The following AATK variants were observed in gnomAD, a reference collection of about 807,000 sequenced individuals.
AATK encodes lemur tail kinase 1, also known as serine/threonine-protein kinase LMTK1.
In AATK, 91 loss-of-function variants were observed where a neutral mutation model predicts 114.3. That is an observed-to-expected ratio of 0.80 (90% confidence interval 0.67 to 0.95). The LOEUF is 0.95. Among genes scored for constraint, AATK ranks in the 40% least tolerant of loss-of-function variants. The pLI, the probability that AATK is intolerant of heterozygous loss-of-function variation, is 0.00. For missense variants in AATK, 2,176 were observed against 1,965.2 expected (o/e 1.11, Z -2.03); for synonymous variants, 1,075 against 916.5 (o/e 1.17, Z -3.12).
intron 1 of AATK, among the ~76,000 whole-genome samples, chr17:81,143,069 G>A (rs961083396): frequency 1.3e-5 from 2 of 152,244 alleles, no homozygotes; most frequent in Non-Finnish European, 1.5e-5. Flanking sequence ...CCCAGCTTGG[G>A]GTGCTGCCGT....
intron 1 of AATK, among the ~76,000 whole-genome samples, chr17:81,152,349 G>A (rs2061309585): frequency 6.6e-6 from 1 of 152,162 alleles, no homozygotes; most frequent in African/African-American, 2.4e-5. Context: ...GCTTTGGGAG[G>A]TTGAGACAGG....
intron 3 of AATK, among the ~76,000 whole-genome samples, chr17:81,130,526 T>G (rs2060913658): frequency 6.6e-6 from 1 of 151,810 alleles, no homozygotes; most frequent in African/African-American, 2.4e-5. Context: ...GCAGCCTGAG[T>G]GAAAGGCTAA....
chr17:81,128,695 C>T (rs915262368), intron 3 of AATK, 146 bp from the exon 4 acceptor site: 5 of 1,463,130 alleles, frequency 3.4e-6, no homozygotes, highest in Admixed American at 2.3e-5. Context: ...TTGGGGCCAC[C>T]ATCAGGAGCC....
At chr17:81,119,608 C>G (rs140886843) in intron 12 of AATK, 28 bp from the exon 13 acceptor site, 27,060 of 1,537,026 alleles carry the variant, frequency 0.018, 307 homozygotes, top group South Asian at 0.021. Flanking sequence ...GCGTCACTCG[C>G]GCTCACAGCC....
At chr17:81,153,857 G>A (rs1567826402) in intron 1 of AATK, among the ~76,000 whole-genome samples, 2 of 152,138 alleles carry the variant, frequency 1.3e-5, no homozygotes, top group Admixed American at 6.5e-5. Context: ...GACCACCTGA[G>A]GTCAGGAGTT....
At chr17:81,135,402 G>C (rs576752122) in intron 1 of AATK, among the ~76,000 whole-genome samples, 1 of 152,142 alleles carries the variant, frequency 6.6e-6, no homozygotes, top group African/African-American at 2.4e-5. Flanking sequence ...ACCGCACCCA[G>C]CTCCAATCCA....
At chr17:81,137,827 GCA>G (rs554165219) in intron 1 of AATK, among the ~76,000 whole-genome samples, 2 of 151,880 alleles carry the variant, frequency 1.3e-5, no homozygotes, top group Non-Finnish European at 2.9e-5. Context: ...GCACAGACAT[GCA>G]CACACACATA....
intron 1 of AATK, among the ~76,000 whole-genome samples, chr17:81,149,893 G>A (rs1257381153): frequency 2.0e-5 from 3 of 152,120 alleles, no homozygotes; most frequent in African/African-American, 7.2e-5. Flanking sequence ...TGTCCCTCTG[G>A]TCCGACAGCT....
In AATK at chr17:81,121,633, G is replaced by A; in HGVS notation, c.2303C>T (p.Thr768Ile). Reference protein sequence around the residue: ...PCLVTPSWTETASSGGDHPQA... With the variant: ...PCLVTPSWTEIASSGGDHPQA... The stretch of plus-strand genomic sequence containing the variant: ...CGGGTGGTCACCCCCACTACTGGCT[G>A]TCTCTGTCCAGGAGGGTGTAACCAG... The change falls in exon 11 of 14, where the codon ACA becomes ATA. Residue 768 changes from threonine to isoleucine, a missense_variant. Around this residue, in one of 4 missense-constraint regions of AATK, gnomAD observed 1,701 missense variants for 1,394.7 expected, o/e 1.22. Transcript: ENST00000326724. 1.3e-6 allele frequency: 2 copies of A among 1,493,012 alleles called. No homozygotes were observed. The highest frequency in any genetic ancestry group is 8.9e-7 in the Non-Finnish European group (1 of 1,123,832). The allele number at this position is 1,493,012 out of a possible 1,614,324, so 92.5% of individuals were successfully genotyped here. A position where few individuals can be genotyped will look rare whatever the true frequency, so the allele number is the denominator to read the frequency against.
chr17:81,140,744 GA>G (rs1309181724), intron 1 of AATK, among the ~76,000 whole-genome samples: 1 of 89,570 alleles, frequency 1.1e-5, no homozygotes, highest in African/African-American at 4.9e-5. Context: ...GGGGCCGGGA[GA>G]CCGTGGGGCC....
chr17:81,119,173 TCAGG>T (rs2060634850), intron 13 of AATK, among the ~76,000 whole-genome samples: 1 of 44,038 alleles, frequency 2.3e-5, no homozygotes, highest in Non-Finnish European at 5.4e-5. Context: ...CAGGTGAGGG[TCAGG>T]TGAGGGTCAG....
chr17:81,126,354 CG>C lies in AATK; in HGVS notation c.755+72del. The C allele has an allele frequency of 6.7e-7, 1 of 1,494,268 alleles. No homozygotes were observed. Among genetic ancestry groups the C allele is most frequent in the Non-Finnish European group, 9.0e-7 (1 of 1,113,946 alleles). The allele number at this position is 1,494,268 out of a possible 1,614,324, so 92.6% of individuals were successfully genotyped here. On this transcript the variant is annotated intron_variant, in intron 7 of 13. Transcript: ENST00000326724. This position sits in a 1 kb window ranked among gnomAD's most constrained non-coding sequence, Gnocchi z 5.1. Reference sequence around the variant, plus strand: ...CTCGCAAGCCCCCTGAGGCAGGACCCGCCCTATGCCCTTCCTTCAGGGGAGG... The same window carrying C: ...CTCGCAAGCCCCCTGAGGCAGGACCCCCCTATGCCCTTCCTTCAGGGGAGG...
rs778152018 is a variant in AATK at position 81,126,422 on chromosome 17, C to G, written c.755+5G>C. 1.9e-6 allele frequency: 3 copies of G among 1,559,120 alleles called. No individual in the cohort carries two copies. The highest frequency in any genetic ancestry group is 1.2e-5 in the South Asian group (1 of 84,632). ...TCCCGGCCGCTGGCCCGCGCCCGCC[C>G]TCACCTGTGCACGAAATTGTTGCGA... On this transcript the variant is annotated splice_donor_5th_base_variant and intron_variant, in intron 7 of 13. Transcript: ENST00000326724. The surrounding 1 kb of genome is among the most constrained non-coding windows in gnomAD (Gnocchi z 5.1).
chr17:81,120,382 T>G lies in AATK; in HGVS notation c.3554A>C (p.Glu1185Ala), dbSNP rs368515584. 1 of 1,607,764 alleles carries G rather than the reference T, an allele frequency of 6.2e-7. No homozygotes were observed. The highest frequency in any genetic ancestry group is 2.2e-5 in the East Asian group (1 of 44,760). Reference protein sequence around the residue: ...LRCYSVQEPSEDSEEEAPAVP... With the variant: ...LRCYSVQEPSADSEEEAPAVP... ...CGCCGGCGCCTCCTCTTCGCTGTCCTCGCTAGGCTCCTGGACGCTGTAGCA... is the reference window on the plus strand; with the variant it reads ...CGCCGGCGCCTCCTCTTCGCTGTCCGCGCTAGGCTCCTGGACGCTGTAGCA... The change falls in exon 11 of 14, where the codon GAG becomes GCG. Residue 1185 changes from glutamate to alanine, a missense_variant. Transcript: ENST00000326724.
In AATK at chr17:81,126,629, A is replaced by G; in HGVS notation, c.622-69T>C. On this transcript the variant is annotated intron_variant, in intron 6 of 13. Coordinates refer to ENST00000326724, the MANE Select transcript of AATK (RefSeq NM_001080395.3). This position sits in a 1 kb window ranked among gnomAD's most constrained non-coding sequence, Gnocchi z 5.1. ...TGGCCACCCTGGGAGGTCCCCACCT[A>G]CCTCCCCAACTCCTCCACCCCTACC... 2.7e-6 allele frequency: 4 copies of G among 1,494,838 alleles called. No homozygotes were observed. Among genetic ancestry groups the G allele is most frequent in the Non-Finnish European group, 3.6e-6 (4 of 1,114,508 alleles). The allele number at this position is 1,494,838 out of a possible 1,614,324, so 92.6% of individuals were successfully genotyped here.
In AATK at chr17:81,120,290, G is replaced by C; in HGVS notation, c.3646C>G (p.Leu1216Val). 1 of 1,609,442 alleles carries C rather than the reference G, an allele frequency of 6.2e-7. No homozygotes were observed. Among genetic ancestry groups the C allele is most frequent in the Non-Finnish European group, 8.5e-7 (1 of 1,178,098 alleles). The change falls in exon 11 of 14, where the codon CTG becomes GTG. Residue 1216 changes from leucine (L) to valine (V), a missense_variant. Around this residue, in one of 4 missense-constraint regions of AATK, gnomAD observed 1,701 missense variants for 1,394.7 expected, o/e 1.22. Transcript: ENST00000326724. ...TCCTCGCAGAAGGTCTCGGACAGCA[G>C]GCTGGGCATCTTGAGCAGGCTGCGC... Reference protein sequence around the residue: ...NLRSLLKMPSLLSETFCEDLE... With the variant: ...NLRSLLKMPSVLSETFCEDLE...
At chr17:81,138,814 ACACCCACGTGAGCG>A (rs1567818348) in intron 1 of AATK, among the ~76,000 whole-genome samples, 4 of 149,920 alleles carry the variant, frequency 2.7e-5, no homozygotes, top group Non-Finnish European at 5.9e-5. Flanking sequence ...TTGCGCGTGC[ACACCCACGTGAGCG>A]CACACACACC....
At chr17:81,134,916 C>G (rs1207571210) in intron 1 of AATK, among the ~76,000 whole-genome samples, 1 of 152,222 alleles carries the variant, frequency 6.6e-6, no homozygotes, top group Non-Finnish European at 1.5e-5. Flanking sequence ...GACCATGTTG[C>G]TGGCTGCTAT....
At chr17:81,136,369 G>A (rs2061009507) in intron 1 of AATK, 1 of 152,358 alleles carries the variant, frequency 6.6e-6, no homozygotes, top group Non-Finnish European at 1.5e-5. Context: ...GCCCCAGGAG[G>A]CCCGACCTCA....
Sources: gnomAD v4.1 joint callset for allele counts (sites outside exome capture counted in the v4.1 genomes callset) on GRCh38, gnomAD v4.1.1 for gene constraint, gnomAD v4.1.1 regional missense constraint, Gnocchi (gnomAD v3.1) non-coding constraint, MANE v1.5 for transcripts, NCBI Gene and HGNC (gene_info 2026-07-23, HGNC 2026-07-21) for gene names.